The following FARS2 variants were observed in gnomAD, a reference collection of about 807,000 sequenced individuals.
FARS2 encodes phenylalanyl-tRNA synthetase 2, mitochondrial.
Under a neutral mutation model 46.4 loss-of-function variants are expected in FARS2, and 40 were observed. The ratio of observed to expected loss-of-function variants is 0.86; its 90% CI spans 0.67 to 1.12. The LOEUF (loss-of-function observed/expected upper bound fraction) is 1.12. Ranked by LOEUF, FARS2 falls within the 50% of genes most tolerant of loss-of-function variation. The pLI is 0.00. For missense variants in FARS2, 513 were observed against 567.9 expected (o/e 0.90, Z 0.98); for synonymous variants, 234 against 214.9 (o/e 1.09, Z -0.78).
chr6:5,714,070 T>TTG (rs1048625706), intron 6 of FARS2, among the ~76,000 whole-genome samples: 6 of 151,496 alleles, frequency 4.0e-5, no homozygotes, highest in East Asian at 3.9e-4. Flanking sequence ...AAACACGCCA[T>TTG]TGTGTGTGTG....
chr6:5,764,839 C>T lies in FARS2; in HGVS notation c.1218-6452C>T, dbSNP rs1561844101. ...TGTATGATAGAGGAATTCCAACCCT[C>T]GCTAACACTCTGACCCCTTGTGCCA... On this transcript the variant is annotated intron_variant, in intron 6 of 6. Coordinates refer to ENST00000274680, the MANE Select transcript of FARS2 (RefSeq NM_006567.5). This position sits in a 1 kb window ranked among gnomAD's most constrained non-coding sequence, Gnocchi z 4.1. Among the ~76,000 whole-genome samples, 2 of 152,162 alleles carry T rather than the reference C, an allele frequency of 1.3e-5. No individual in the cohort carries two copies. The highest frequency in any genetic ancestry group is 6.5e-5 in the Admixed American group (1 of 15,288).
chr6:5,347,039 G>A (rs973033220), intron 1 of FARS2, among the ~76,000 whole-genome samples: 6 of 151,452 alleles, frequency 4.0e-5, no homozygotes, highest in Non-Finnish European at 7.4e-5. Context: ...TCAGCCTCCC[G>A]AGTAGCTGGG....
intron 1 of FARS2, among the ~76,000 whole-genome samples, chr6:5,280,716 A>G (rs763446582): frequency 1.3e-5 from 2 of 151,930 alleles, no homozygotes; most frequent in Non-Finnish European, 2.9e-5. Context: ...TCAAAAAATA[A>G]CGTCTCCTGT....
chr6:5,688,465 G>C (rs1426107504), intron 6 of FARS2, among the ~76,000 whole-genome samples: 2 of 152,116 alleles, frequency 1.3e-5, no homozygotes, highest in African/African-American at 4.8e-5. Flanking sequence ...TAATCGTGTG[G>C]TTTTTGTCTT....
the FARS2 span, among the ~76,000 whole-genome samples, chr6:5,252,151 T>C: frequency 1.8e-4 from 27 of 152,280 alleles, no homozygotes; most frequent in Middle Eastern, 6.8e-3. Flanking sequence ...ATTTCACCTA[T>C]AAGGAGGAAC....
At chr6:5,611,208 G>A (rs1314214761) in intron 5 of FARS2, among the ~76,000 whole-genome samples, 1 of 152,194 alleles carries the variant, frequency 6.6e-6, no homozygotes, top group Non-Finnish European at 1.5e-5. Context: ...GATTGATGGA[G>A]TCTGTGAGGA....
intron 1 of FARS2, among the ~76,000 whole-genome samples, chr6:5,273,274 A>G (rs1408249610): frequency 6.6e-6 from 1 of 152,216 alleles, no homozygotes; most frequent in African/African-American, 2.4e-5. Flanking sequence ...ATACTAACTT[A>G]TATTTCCACC....
At chr6:5,417,382 A>G (rs142755782) in intron 3 of FARS2, among the ~76,000 whole-genome samples, 189 of 151,938 alleles carry the variant, frequency 1.2e-3, no homozygotes, top group African/African-American at 4.4e-3. Flanking sequence ...ACACCCCGCT[A>G]ACTTTTAAAA....
chr6:5,624,286 C>T (rs575783871), intron 6 of FARS2, among the ~76,000 whole-genome samples: 1 of 152,178 alleles, frequency 6.6e-6, no homozygotes, highest in African/African-American at 2.4e-5. Flanking sequence ...ACATAGCAGC[C>T]CTGCTTGACA....
At chr6:5,368,408 A>T (rs1480847152) in intron 1 of FARS2, 142 bp from the exon 2 acceptor site, 1 of 676,338 alleles carries the variant, frequency 1.5e-6, no homozygotes, top group East Asian at 2.6e-5. Flanking sequence ...GATTTCTTTA[A>T]TTGGCTCTTT....
At chr6:5,312,253 A>C (rs1235550621) in intron 1 of FARS2, among the ~76,000 whole-genome samples, 5 of 152,218 alleles carry the variant, frequency 3.3e-5, no homozygotes, top group African/African-American at 9.6e-5. Context: ...GAAGTATAAA[A>C]ATTTTAATAA....
chr6:5,501,338 C>G (rs1230460501), intron 4 of FARS2, among the ~76,000 whole-genome samples: 2 of 152,102 alleles, frequency 1.3e-5, no homozygotes, highest in Non-Finnish European at 2.9e-5. Context: ...ATGGTAAGTT[C>G]TCAACTCTTA....
At chr6:5,709,731 T>G (rs62408093) in intron 6 of FARS2, among the ~76,000 whole-genome samples, 17 of 132,460 alleles carry the variant, frequency 1.3e-4, no homozygotes, top group South Asian at 6.9e-4. Flanking sequence ...GGGGTGGGGT[T>G]GTGTGTGTGT....
chr6:5,619,245 G>A (rs1402794628), intron 6 of FARS2, among the ~76,000 whole-genome samples: 2 of 152,286 alleles, frequency 1.3e-5, no homozygotes, highest in African/African-American at 4.8e-5. Flanking sequence ...CTTTTTGAGA[G>A]TGGGAATTGG....
intron 1 of FARS2, among the ~76,000 whole-genome samples, chr6:5,319,128 G>A (rs1769783201): frequency 6.6e-6 from 1 of 152,090 alleles, no homozygotes; most frequent in Non-Finnish European, 1.5e-5. Context: ...TCCCAGGAAT[G>A]TCAGGTGACC....
At chr6:5,732,686 T>A (rs1234776153) in intron 6 of FARS2, among the ~76,000 whole-genome samples, 2 of 152,160 alleles carry the variant, frequency 1.3e-5, no homozygotes, top group Non-Finnish European at 1.5e-5. Flanking sequence ...ACATCAAGCT[T>A]TCCTGCCATG....
chr6:5,377,850 G>A (rs562741469), intron 2 of FARS2, among the ~76,000 whole-genome samples: 30 of 152,118 alleles, frequency 2.0e-4, no homozygotes, highest in Admixed American at 6.6e-5. Context: ...GCATATGCCT[G>A]TACTTGGCAA....
At chr6:5,601,743 T>C (rs1487980211) in intron 5 of FARS2, among the ~76,000 whole-genome samples, 1 of 152,122 alleles carries the variant, frequency 6.6e-6, no homozygotes, top group Non-Finnish European at 1.5e-5. Flanking sequence ...TTGTGCTGTG[T>C]GTTAATGAGA....
intron 6 of FARS2, among the ~76,000 whole-genome samples, chr6:5,718,548 C>A (rs1382422238): frequency 6.6e-6 from 1 of 152,208 alleles, no homozygotes; most frequent in Non-Finnish European, 1.5e-5. Flanking sequence ...CTGTAACTTA[C>A]ATATACACAC....
Sources: gnomAD v4.1 joint callset for allele counts (sites outside exome capture counted in the v4.1 genomes callset) on GRCh38, gnomAD v4.1.1 for gene constraint, Gnocchi (gnomAD v3.1) non-coding constraint, MANE v1.5 for transcripts, NCBI Gene and HGNC (gene_info 2026-07-23, HGNC 2026-07-21) for gene names.